Variants in SAP130 observed in about 807,000 individuals in gnomAD.
The protein encoded by SAP130 is Sin3A associated protein 130, also known as histone deacetylase complex subunit SAP130.
Under a neutral mutation model 103.2 loss-of-function variants are expected in SAP130, and 16 were observed. That is an observed-to-expected ratio of 0.16 (90% CI 0.10 to 0.24). SAP130 has a LOEUF of 0.24. Ranked by LOEUF, SAP130 falls within the 10% of genes least tolerant of loss-of-function variation. The pLI, the probability that SAP130 is intolerant of heterozygous loss-of-function variation, is 1.00. For missense variants in SAP130, 990 were observed against 1,359.7 expected (o/e 0.73, Z 4.28); for synonymous variants, 477 against 497.0 (o/e 0.96, Z 0.53).
chr2:127,970,221 CAA>C (rs1175902128), intron 15 of SAP130, among the ~76,000 whole-genome samples: 20 of 60,212 alleles, frequency 3.3e-4, no homozygotes, highest in East Asian at 4.8e-4. Context: ...GACTCCGTCT[CAA>C]AAAAAAAAAA....
intron 15 of SAP130, among the ~76,000 whole-genome samples, chr2:127,956,405 G>A (rs1679841565): frequency 1.3e-5 from 2 of 152,142 alleles, no homozygotes; most frequent in African/African-American, 4.8e-5. Context: ...GGAACTAGCT[G>A]GTCAGAAGAA....
intron 15 of SAP130, among the ~76,000 whole-genome samples, chr2:127,970,844 T>G (rs1681032623): frequency 6.6e-6 from 1 of 152,150 alleles, no homozygotes; most frequent in Non-Finnish European, 1.5e-5. Context: ...AGTTGACTTT[T>G]GGGGGACACA....
intron 15 of SAP130, among the ~76,000 whole-genome samples, chr2:127,970,541 T>TAA (rs70985493): frequency 0.71 from 56,327 of 79,786 alleles, 21,925 homozygotes; most frequent in Non-Finnish European, 0.85. Flanking sequence ...GACTCTGTCT[T>TAA]AAAAAAAAAA....
chr2:127,952,284 C>G (rs1277330939), intron 16 of SAP130, among the ~76,000 whole-genome samples: 1 of 151,988 alleles, frequency 6.6e-6, no homozygotes, highest in Non-Finnish European at 1.5e-5. Flanking sequence ...AACCCCATCT[C>G]TACTAAAAAT....
intron 7 of SAP130, among the ~76,000 whole-genome samples, chr2:128,008,423 T>G (rs1251269412): frequency 6.6e-6 from 1 of 152,070 alleles, no homozygotes; most frequent in Non-Finnish European, 1.5e-5. Flanking sequence ...TAGAGAGTAG[T>G]GGCACAATCA....
Position 127,942,229 on chromosome 2 carries a change from G to T in SAP130, c.3016-65C>A. 6.8e-7 allele frequency: 1 copy of T among 1,466,708 alleles called. No individual in the cohort carries two copies. Among genetic ancestry groups the T allele is most frequent in the Non-Finnish European group, 9.2e-7 (1 of 1,083,290 alleles). 90.9% of individuals were successfully genotyped at this position (1,466,708 alleles called of 1,614,324 possible). A position where few individuals can be genotyped will look rare whatever the true frequency, so the allele number is the denominator to read the frequency against. ...AGGATAGTACAGCTTTTAAAAAACTGCTTGCCTTTGGGCAGAGGCCATGTT... is the reference window on the plus strand; with the variant it reads ...AGGATAGTACAGCTTTTAAAAAACTTCTTGCCTTTGGGCAGAGGCCATGTT... On this transcript the variant is annotated intron_variant, in intron 20 of 20. Transcript: ENST00000643581. The surrounding 1 kb of genome is among the most constrained non-coding windows in gnomAD (Gnocchi z 4.8).
chr2:128,004,593 A>G (rs1683828891), intron 7 of SAP130, among the ~76,000 whole-genome samples: 1 of 152,134 alleles, frequency 6.6e-6, no homozygotes. Context: ...ATAAACTGAC[A>G]GAGAAAACCA....
intron 6 of SAP130, among the ~76,000 whole-genome samples, chr2:128,011,875 C>T (rs1275635427): frequency 4.6e-5 from 7 of 152,138 alleles, no homozygotes; most frequent in Non-Finnish European, 1.0e-4. Context: ...TGCAGTGGCA[C>T]GATCTTGGCT....
In SAP130 at chr2:128,026,310, A is replaced by G. The variant is rs1573873466; in HGVS notation, c.-6-12T>C. ...GAACTCATTTCCACCTGTAGTACAT[A>G]CAGTTATATGGTTATTACTAGATTC... On this transcript the variant is annotated splice_polypyrimidine_tract_variant and intron_variant, in intron 1 of 20. Coordinates refer to ENST00000643581, the MANE Select transcript of SAP130 (RefSeq NM_001330301.2). 12 of 1,550,264 alleles carry G rather than the reference A, an allele frequency of 7.7e-6. No homozygotes were observed. In the East Asian group the frequency reaches 2.7e-4, roughly 35 times the overall value.
At chr2:127,951,620 C>A (rs1371811271) in intron 16 of SAP130, among the ~76,000 whole-genome samples, 1 of 152,112 alleles carries the variant, frequency 6.6e-6, no homozygotes, top group Non-Finnish European at 1.5e-5. Context: ...CACTGTATTC[C>A]TTTTCTTCCT....
intron 7 of SAP130, among the ~76,000 whole-genome samples, chr2:128,008,634 G>T (rs147022184): frequency 0.016 from 2,442 of 149,512 alleles, 25 homozygotes; most frequent in Non-Finnish European, 0.024. Context: ...GCCTCCAAAA[G>T]CACTGGGGTT....
chr2:127,958,328 C>G (rs1215630924), intron 15 of SAP130, among the ~76,000 whole-genome samples: 2 of 152,162 alleles, frequency 1.3e-5, no homozygotes, highest in African/African-American at 4.8e-5. Context: ...GCAGAAGAAT[C>G]GCTTGAACCC....
At position 128,028,050 on chromosome 2, in the gene SAP130, C is replaced by A; in HGVS notation, c.-117G>T. ...CGGACCCGCAGCCACCGCCGGGGAG[C>A]TAGCACTCTGCCCCCCACCCCTCAC... On this transcript the variant is annotated 5_prime_UTR_variant, in exon 1 of 21. Coordinates refer to ENST00000643581, the MANE Select transcript of SAP130 (RefSeq NM_001330301.2). 8.0e-6 allele frequency: 7 copies of A among 880,060 alleles called. No homozygotes were observed. Among genetic ancestry groups the A allele is most frequent in the Non-Finnish European group, 9.5e-6 (7 of 733,390 alleles). 54.5% of individuals were successfully genotyped at this position (880,060 alleles called of 1,614,324 possible).
chr2:127,965,253 C>T (rs928233209), intron 15 of SAP130, among the ~76,000 whole-genome samples: 4 of 151,916 alleles, frequency 2.6e-5, no homozygotes, highest in African/African-American at 4.8e-5. Flanking sequence ...GCCGAGATTG[C>T]GCCACTGCAC....
rs1011206604 is a variant in SAP130, at chr2:127,955,843, A to G, written c.2064-499T>C. 3.9e-5 allele frequency among the ~76,000 whole-genome samples: 6 copies of G among 152,238 alleles called. No individual in the cohort carries two copies. The highest frequency in any genetic ancestry group is 7.3e-5 in the Non-Finnish European group (5 of 68,038). ...AACAAAGCAATTTTAAATGGAAATCAGGTTTTAAAGATATACTGTATGTCC... is the reference window on the plus strand; with the variant it reads ...AACAAAGCAATTTTAAATGGAAATCGGGTTTTAAAGATATACTGTATGTCC... On this transcript the variant is annotated intron_variant, in intron 15 of 20. Coordinates refer to ENST00000643581, the MANE Select transcript of SAP130 (RefSeq NM_001330301.2). This position sits in a 1 kb window ranked among gnomAD's most constrained non-coding sequence, Gnocchi z 4.9.
intron 15 of SAP130, among the ~76,000 whole-genome samples, chr2:127,969,364 C>T (rs1306844942): frequency 6.6e-6 from 1 of 152,196 alleles, no homozygotes; most frequent in Non-Finnish European, 1.5e-5. Flanking sequence ...TCAATCTACT[C>T]TTGTGAGTTA....
intron 16 of SAP130, 34 bp from the exon 17 acceptor site, chr2:127,950,442 G>T: frequency 6.2e-7 from 1 of 1,608,974 alleles, no homozygotes; most frequent in Non-Finnish European, 8.5e-7. Context: ...ATATCTGTAA[G>T]AACTCAAAGA....
intron 3 of SAP130, among the ~76,000 whole-genome samples, chr2:128,017,418 A>C (rs1684853411): frequency 6.6e-6 from 1 of 152,190 alleles, no homozygotes. Context: ...GATTGTATCT[A>C]ACTTAACATG....
At chr2:127,976,544 A>T (rs1681469866) in intron 15 of SAP130, among the ~76,000 whole-genome samples, 1 of 152,212 alleles carries the variant, frequency 6.6e-6, no homozygotes, top group African/African-American at 2.4e-5. Flanking sequence ...ATATACTAAC[A>T]TGGCAAACTA....
Sources: gnomAD v4.1 joint callset for allele counts (sites outside exome capture counted in the v4.1 genomes callset) on GRCh38, gnomAD v4.1.1 for gene constraint, Gnocchi (gnomAD v3.1) non-coding constraint, MANE v1.5 for transcripts, NCBI Gene and HGNC (gene_info 2026-07-23, HGNC 2026-07-21) for gene names.